The following ADGRL3 variants were observed in gnomAD, a reference collection of about 807,000 sequenced individuals.
The protein encoded by ADGRL3 is calcium-independent alpha-latrotoxin receptor 3.
A neutral mutation model predicts 153.5 loss-of-function variants in ADGRL3; 62 were observed. The ratio of observed to expected loss-of-function variants is 0.40; its 90% CI spans 0.33 to 0.50. ADGRL3 has a LOEUF of 0.50. Ranked by LOEUF, ADGRL3 falls within the 20% of genes least tolerant of loss-of-function variation. The pLI is 0.47. For missense variants in ADGRL3, 1,641 were observed against 1,859.4 expected (o/e 0.88, Z 2.16); for synonymous variants, 710 against 672.5 (o/e 1.06, Z -0.86).
intron 1 of ADGRL3, among the ~76,000 whole-genome samples, chr4:61,300,916 C>G (rs1417066670): frequency 6.6e-6 from 1 of 151,976 alleles, no homozygotes; most frequent in Non-Finnish European, 1.5e-5. Flanking sequence ...AAGCGCCCAC[C>G]ACCACGCCCG....
At chr4:61,516,252 G>A (rs1013872937) in intron 3 of ADGRL3, among the ~76,000 whole-genome samples, 3 of 151,908 alleles carry the variant, frequency 2.0e-5, no homozygotes, top group African/African-American at 7.3e-5. Flanking sequence ...TCTAGTGTTA[G>A]CAAGATGATC....
chr4:61,236,598 A>T (rs1752956390), intron 1 of ADGRL3, among the ~76,000 whole-genome samples: 1 of 152,094 alleles, frequency 6.6e-6, no homozygotes, highest in African/African-American at 2.4e-5. Context: ...TATGAAATAA[A>T]TTTTTTATGA....
intron 6 of ADGRL3, among the ~76,000 whole-genome samples, chr4:61,720,869 C>T (rs954151358): frequency 6.6e-6 from 1 of 152,118 alleles, no homozygotes; most frequent in Non-Finnish European, 1.5e-5. Context: ...GGGAGCATAG[C>T]ACAGAGGTTT....
chr4:61,492,298 A>G (rs1474751543), intron 2 of ADGRL3, among the ~76,000 whole-genome samples: 1 of 152,164 alleles, frequency 6.6e-6, no homozygotes, highest in Non-Finnish European at 1.5e-5. Flanking sequence ...TAACAAGTGA[A>G]AAGTTAAGAG....
At chr4:61,742,278 CTTATTA>C (rs938180217) in intron 8 of ADGRL3, among the ~76,000 whole-genome samples, 8 of 151,520 alleles carry the variant, frequency 5.3e-5, no homozygotes, top group African/African-American at 1.9e-4. Flanking sequence ...TCTTCTTCTT[CTTATTA>C]TTATTATTTT....
chr4:61,633,134 G>GTGGA (rs2093264473), intron 5 of ADGRL3, among the ~76,000 whole-genome samples: 1 of 151,838 alleles, frequency 6.6e-6, no homozygotes, highest in African/African-American at 2.4e-5. Flanking sequence ...CATATACATA[G>GTGGA]TGTTGGAGCT....
intron 17 of ADGRL3, among the ~76,000 whole-genome samples, chr4:61,955,620 A>C (rs1241153859): frequency 6.6e-6 from 1 of 152,040 alleles, no homozygotes; most frequent in Non-Finnish European, 1.5e-5. Flanking sequence ...GATTTGTTAC[A>C]TAGGTATATT....
intron 22 of ADGRL3, 81 bp from the exon 23 acceptor site, chr4:62,031,361 A>T (rs988393678): frequency 1.8e-6 from 2 of 1,138,698 alleles, no homozygotes; most frequent in Middle Eastern, 2.3e-4. Flanking sequence ...CATTTTTTTC[A>T]GTGTCGTATT....
chr4:61,983,591 G>A lies in ADGRL3; in HGVS notation c.3224G>A (p.Gly1075Glu). Residue 1075 changes from glycine (G) to glutamate (E), a missense_variant, in exon 19 of 27, where the codon GGA becomes GAA. Coordinates refer to ENST00000683033, the MANE Select transcript of ADGRL3 (RefSeq NM_001387552.1). ...GCTGCAGTAGACTACAGGAGTTATG[G>A]AACAGATAAAGTGTAAGTTTATTGT... ...VSAAVDYRSY[G>E]TDKVCWLRLD... The A allele has an allele frequency of 6.2e-7, 1 of 1,613,516 alleles. No individual in the cohort carries two copies. Among genetic ancestry groups the A allele is most frequent in the Non-Finnish European group, 8.5e-7 (1 of 1,179,548 alleles).
At chr4:61,613,417 T>C (rs761683599) in intron 5 of ADGRL3, among the ~76,000 whole-genome samples, 12 of 152,312 alleles carry the variant, frequency 7.9e-5, no homozygotes, top group Admixed American at 5.2e-4. Flanking sequence ...TGATGTTTTC[T>C]AAAAATTGTT....
At chr4:61,383,784 T>C (rs1209450915) in intron 2 of ADGRL3, among the ~76,000 whole-genome samples, 2 of 151,834 alleles carry the variant, frequency 1.3e-5, no homozygotes, top group African/African-American at 4.8e-5. Context: ...TTTCAAGCAG[T>C]GTAACTTTAA....
chr4:61,397,595 A>G (rs1488794145), intron 2 of ADGRL3, among the ~76,000 whole-genome samples: 2 of 151,712 alleles, frequency 1.3e-5, no homozygotes, highest in Non-Finnish European at 2.9e-5. Flanking sequence ...TCCACCACAT[A>G]GCCAGAATAC....
chr4:61,816,138 G>T (rs900915817), intron 9 of ADGRL3, among the ~76,000 whole-genome samples: 4 of 152,176 alleles, frequency 2.6e-5, no homozygotes, highest in Non-Finnish European at 5.9e-5. Flanking sequence ...GACTTCGGTA[G>T]AATTCAGTTC....
At chr4:62,056,244 C>G (rs1401257611) in intron 25 of ADGRL3, among the ~76,000 whole-genome samples, 1 of 151,564 alleles carries the variant, frequency 6.6e-6, no homozygotes, top group Non-Finnish European at 1.5e-5. Context: ...CTCCATAATG[C>G]AATCTTAAGG....
intron 6 of ADGRL3, among the ~76,000 whole-genome samples, chr4:61,701,996 T>TG (rs1561089151): frequency 6.6e-6 from 1 of 152,132 alleles, no homozygotes; most frequent in Non-Finnish European, 1.5e-5. Context: ...CAAGGAATTA[T>TG]GGAATTGTAG....
chr4:61,346,639 G>C (rs2095916447), intron 1 of ADGRL3, among the ~76,000 whole-genome samples: 1 of 151,358 alleles, frequency 6.6e-6, no homozygotes, highest in Non-Finnish European at 1.5e-5. Flanking sequence ...GCCAGACATG[G>C]TGGCTCATGA....
At chr4:61,884,074 T>C (rs1228558156) in intron 9 of ADGRL3, among the ~76,000 whole-genome samples, 1 of 152,234 alleles carries the variant, frequency 6.6e-6, no homozygotes, top group Non-Finnish European at 1.5e-5. Context: ...TTCAACATTT[T>C]ATTCCCAGTA....
At chr4:61,657,480 T>C (rs766295030) in intron 5 of ADGRL3, among the ~76,000 whole-genome samples, 1 of 152,134 alleles carries the variant, frequency 6.6e-6, no homozygotes, top group Non-Finnish European at 1.5e-5. Flanking sequence ...CAAATCAATA[T>C]CTGAGAGTAT....
chr4:61,333,269 G>A (rs1578307929), intron 1 of ADGRL3, among the ~76,000 whole-genome samples: 2 of 151,938 alleles, frequency 1.3e-5, no homozygotes, highest in East Asian at 3.9e-4. Context: ...TATTATATAA[G>A]GTCTTACCAC....
Sources: gnomAD v4.1 joint callset for allele counts (sites outside exome capture counted in the v4.1 genomes callset) on GRCh38, gnomAD v4.1.1 for gene constraint, MANE v1.5 for transcripts, NCBI Gene and HGNC (gene_info 2026-07-23, HGNC 2026-07-21) for gene names.